Variants in PAK3 observed in about 807,000 individuals in gnomAD.
PAK3 encodes serine/threonine-protein kinase PAK 3.
Under a neutral mutation model 41.0 loss-of-function variants are expected in PAK3, and 4 were observed. The observed-to-expected ratio is 0.10, with a 90% confidence interval of 0.05 to 0.22. The LOEUF is 0.22. Ranked by LOEUF, PAK3 falls within the 10% of genes least tolerant of loss-of-function variation. PAK3 has a pLI of 1.00. For synonymous variants in PAK3, 146 were observed against 139.6 expected (o/e 1.05, Z -0.32); for missense variants, 205 against 409.9 (o/e 0.50, Z 4.32).
chrX:111,157,468 TAA>T (rs1412584871), intron 8 of PAK3, among the ~76,000 whole-genome samples: 1 of 111,275 alleles, frequency 9.0e-6, no homozygotes, highest in Admixed American at 9.6e-5. Context: ...GACCAAACCC[TAA>T]GAGTCCGGGA....
Position 111,183,842 on chromosome X carries a change from CT to C in PAK3, c.831-8284del, listed in dbSNP as rs765978585. Among the ~76,000 whole-genome samples the C allele has an allele frequency of 8.9e-5, 10 of 111,791 alleles. No individual in the cohort carries two copies. The East Asian group carries it at 2.9e-3, about 32-fold the overall frequency. On this transcript the variant is annotated intron_variant, in intron 11 of 17. Coordinates refer to ENST00000372007, the MANE Select transcript of PAK3 (RefSeq NM_002578.5). Reference sequence around the variant, plus strand: ...AGCGCTTGGCCATGTCAGGGAGAGACTGTTGACAAAGCATCTAATGTGATGC... The same window carrying C: ...AGCGCTTGGCCATGTCAGGGAGAGACGTTGACAAAGCATCTAATGTGATGC...
chrX:111,119,788 T>G (rs1267826634), intron 4 of PAK3, among the ~76,000 whole-genome samples: 1 of 112,301 alleles, frequency 8.9e-6, no homozygotes, highest in East Asian at 2.8e-4. Flanking sequence ...AACAAATACT[T>G]TAACCACAAG....
At chrX:111,067,110 CAA>C (rs1452447475) in intron 1 of PAK3, among the ~76,000 whole-genome samples, 1 of 111,687 alleles carries the variant, frequency 9.0e-6, no homozygotes, top group Non-Finnish European at 1.9e-5. Flanking sequence ...TTGTGAATAA[CAA>C]AAATTTTGTC....
intron 5 of PAK3, among the ~76,000 whole-genome samples, chrX:111,137,490 G>A (rs761275623): frequency 9.0e-6 from 1 of 110,862 alleles, no homozygotes; most frequent in African/African-American, 3.3e-5. Flanking sequence ...TGAAAATGAT[G>A]TACAGTGAAG....
intron 1 of PAK3, among the ~76,000 whole-genome samples, chrX:111,057,703 GTT>G (rs1482787982): frequency 9.0e-6 from 1 of 110,734 alleles, no homozygotes; most frequent in African/African-American, 3.3e-5. Flanking sequence ...ATACTAAAGA[GTT>G]CACCATTTAA....
At chrX:111,183,373 G>T (rs1366068875) in intron 11 of PAK3, among the ~76,000 whole-genome samples, 1 of 111,458 alleles carries the variant, frequency 9.0e-6, no homozygotes, top group Non-Finnish European at 1.9e-5. Flanking sequence ...TCTATATGGG[G>T]TTTAATCCTT....
Position 111,038,962 on chromosome X carries a change from G to A in PAK3, c.-27-84115G>A, listed in dbSNP as rs60239346. Among the ~76,000 whole-genome samples, 1,001 of 111,489 alleles carry A rather than the reference G, an allele frequency of 9.0e-3. 17 individuals carry two copies. Among genetic ancestry groups the A allele is most frequent in the African/African-American group, 0.031 (950 of 30,637 alleles). The stretch of plus-strand genomic sequence containing the variant: ...GGTATTAAATATATTCAAGTACCAA[G>A]AGAGGATTGGACAAGATAAACTTGA... On this transcript the variant is annotated intron_variant, in intron 1 of 14. Coordinates refer to the PAK3 transcript ENST00000425146.
chrX:111,034,041 T>A (rs1368267364), intron 1 of PAK3, among the ~76,000 whole-genome samples: 2 of 111,942 alleles, frequency 1.8e-5, no homozygotes, highest in African/African-American at 6.5e-5. Flanking sequence ...CTCCCTGCCA[T>A]ACACACAAAC....
chrX:111,042,587 G>C (rs1010853564), intron 1 of PAK3, among the ~76,000 whole-genome samples: 5 of 111,630 alleles, frequency 4.5e-5, no homozygotes, highest in African/African-American at 1.6e-4. Flanking sequence ...CCAAGTTCCT[G>C]GCACAAGAGA....
Position 111,224,306 on chromosome X carries a change from TTGGAGGGG to T in PAK3, c.*3862_*3869del, listed in dbSNP as rs2094942662. On this transcript the variant is annotated 3_prime_UTR_variant, in exon 18 of 18. Transcript: ENST00000372007. Reference sequence around the variant, plus strand: ...GTGTCTGTTTTGTGGTTGCTTTAGATTGGAGGGGTGACCATTTTATTAGCCCCCTTGAT... The same window carrying T: ...GTGTCTGTTTTGTGGTTGCTTTAGATTGACCATTTTATTAGCCCCCTTGAT... The T allele has an allele frequency of 9.0e-6, 1 of 111,636 alleles. No homozygotes were observed. Among genetic ancestry groups the T allele is most frequent in the African/African-American group, 3.3e-5 (1 of 30,740 alleles). 9.2% of individuals were successfully genotyped at this position (111,636 alleles called of 1,213,427 possible).
chrX:110,947,752 C>T lies in PAK3; in HGVS notation c.-28+3124C>T, dbSNP rs767259263. Among the ~76,000 whole-genome samples, 71 of 111,665 alleles carry T rather than the reference C, an allele frequency of 6.4e-4. No individual in the cohort carries two copies. The Middle Eastern group carries it at 0.018, about 29-fold the overall frequency. Reference sequence around the variant, plus strand: ...ATTTGGGTCTACTGGTGTTGAGAGACACGTTCTTTGGGTAAAAGCATTCTC... The same window carrying T: ...ATTTGGGTCTACTGGTGTTGAGAGATACGTTCTTTGGGTAAAAGCATTCTC... On this transcript the variant is annotated intron_variant, in intron 1 of 14. Transcript: ENST00000425146.
chrX:111,086,882 C>A (rs1371028773), intron 1 of PAK3, among the ~76,000 whole-genome samples: 1 of 111,793 alleles, frequency 8.9e-6, no homozygotes, highest in African/African-American at 3.3e-5. Flanking sequence ...TCTGAGCTGC[C>A]TAGACTCTCA....
chrX:111,092,514 T>G (rs1446172003), upstream of PAK3, among the ~76,000 whole-genome samples: 1 of 112,021 alleles, frequency 8.9e-6, no homozygotes, highest in Non-Finnish European at 1.9e-5. Flanking sequence ...TACTTGGTTT[T>G]TTAAGCTGAT....
At chrX:111,076,311 T>C (rs1431108361) in intron 1 of PAK3, among the ~76,000 whole-genome samples, 3 of 111,945 alleles carry the variant, frequency 2.7e-5, no homozygotes, top group African/African-American at 9.8e-5. Context: ...AGGTGAGACC[T>C]GTTGGGAGGT....
intron 1 of PAK3, among the ~76,000 whole-genome samples, chrX:111,023,050 C>G (rs1483720935): frequency 9.0e-6 from 1 of 110,777 alleles, no homozygotes; most frequent in East Asian, 2.8e-4. Context: ...CAGGCCCCCA[C>G]TCACTGACAG....
chrX:111,171,957 G>C (rs952333002), intron 10 of PAK3, among the ~76,000 whole-genome samples: 1 of 111,147 alleles, frequency 9.0e-6, no homozygotes. Context: ...AACATGCATG[G>C]GTCTCATTAC....
chrX:111,120,453 C>A (rs1437765510), intron 4 of PAK3, among the ~76,000 whole-genome samples: 1 of 111,905 alleles, frequency 8.9e-6, no homozygotes, highest in Admixed American at 9.5e-5. Flanking sequence ...CAAAAAAGGC[C>A]ACTCTGTTGT....
chrX:110,977,172 T>C (rs2091354567), intron 1 of PAK3, among the ~76,000 whole-genome samples: 1 of 110,451 alleles, frequency 9.1e-6, no homozygotes, highest in Non-Finnish European at 1.9e-5. Context: ...ACCATTGCGA[T>C]GTTAGGTTTA....
At chrX:111,080,767 G>C (rs1249332993) in intron 1 of PAK3, among the ~76,000 whole-genome samples, 23 of 112,045 alleles carry the variant, frequency 2.1e-4, no homozygotes, top group Non-Finnish European at 1.1e-4. Context: ...AATATGTTGA[G>C]GATATAGCTG....
Sources: gnomAD v4.1 joint callset for allele counts (sites outside exome capture counted in the v4.1 genomes callset) on GRCh38, gnomAD v4.1.1 for gene constraint, MANE v1.5 for transcripts, NCBI Gene and HGNC (gene_info 2026-07-23, HGNC 2026-07-21) for gene names.